The following SPNS1 variants were observed in gnomAD, a reference collection of about 807,000 sequenced individuals.
The protein encoded by SPNS1 is protein spinster homolog 1.
A neutral mutation model predicts 50.3 loss-of-function variants in SPNS1; 22 were observed. That is an observed-to-expected ratio of 0.44 (90% confidence interval 0.31 to 0.62). The LOEUF (loss-of-function observed/expected upper bound fraction) is 0.62. Among genes scored for constraint, SPNS1 ranks in the 20% least tolerant of loss-of-function variants. The probability of loss-of-function intolerance (pLI) is 0.07; values close to 1 mark genes in which losing one functional copy is unlikely to be tolerated. For missense variants in SPNS1, 576 were observed against 728.6 expected, an observed-to-expected ratio of 0.79 and a Z score of 2.41; for synonymous variants, 295 against 317.4, an observed-to-expected ratio of 0.93 and a Z score of 0.75.
chr16:28,975,084 GCCT>G lies in SPNS1; in HGVS notation c.-62_-60del. 6.9e-7 allele frequency: 1 copy of G among 1,439,976 alleles called. No individual in the cohort carries two copies. Among genetic ancestry groups the G allele is most frequent in the Non-Finnish European group, 9.1e-7 (1 of 1,101,456 alleles). The allele number at this position is 1,439,976 out of a possible 1,614,324, so 89.2% of individuals were successfully genotyped here. ...TGTTCGGTCCATCCTCCTTTCTCCA[GCCT>G]CCTCCCCTCGCAGGTGGGATCGTCG... On this transcript the variant is annotated 5_prime_UTR_variant, in exon 1 of 12. Coordinates refer to ENST00000311008, the MANE Select transcript of SPNS1 (RefSeq NM_032038.3).
In SPNS1 at chr16:28,984,132, T is replaced by C. The variant is rs533907477; in HGVS notation, c.1493-73T>C. 1.8e-5 allele frequency: 27 copies of C among 1,486,986 alleles called. No individual in the cohort carries two copies. The East Asian group carries it at 5.9e-4, about 33-fold the overall frequency. The allele number at this position is 1,486,986 out of a possible 1,614,324, so 92.1% of individuals were successfully genotyped here. A position where few individuals can be genotyped will look rare whatever the true frequency, so the allele number is the denominator to read the frequency against. On this transcript the variant is annotated intron_variant, in intron 11 of 11. Coordinates refer to ENST00000311008, the MANE Select transcript of SPNS1 (RefSeq NM_032038.3). ...TGTGGCTGCCCCATCCATTTCCCGC[T>C]GCCTGTTTGCCCTTCTCTGGCTTTG... is the stretch of plus-strand genomic sequence containing the variant.
At chr16:28,984,034 A>C in intron 11 of SPNS1, 77 bp downstream of exon 11, 1 of 1,495,612 alleles carries the variant, frequency 6.7e-7, no homozygotes, top group South Asian at 1.3e-5. Context: ...ACTCCTGTGC[A>C]CCTGGCAGCT....
At chr16:28,976,197 G>T (rs4788112) in intron 2 of SPNS1, among the ~76,000 whole-genome samples, 2 of 151,936 alleles carry the variant, frequency 1.3e-5, no homozygotes, top group Non-Finnish European at 2.9e-5. Flanking sequence ...ACTTGAACCC[G>T]GGAGGCAGAG....
intron 5 of SPNS1, chr16:28,980,122 T>A (rs1365439961): frequency 6.6e-6 from 1 of 151,380 alleles, no homozygotes. Context: ...GGTCAGGAGT[T>A]CTAGGCCAGC....
Position 28,983,389 on chromosome 16 carries a change from T to A in SPNS1, c.1320+99T>A. ...AGTGAAGTGTCTGTGTCCTGCGTGC[T>A]GGGCACTTCTCACCTTCCATTGTCA... On this transcript the variant is annotated intron_variant, in intron 10 of 11. Transcript: ENST00000311008. The surrounding 1 kb of genome is among the most constrained non-coding windows in gnomAD (Gnocchi z 5.4). 1 of 930,602 alleles carries A rather than the reference T, an allele frequency of 1.1e-6. No individual in the cohort carries two copies. Among genetic ancestry groups the A allele is most frequent in the Non-Finnish European group, 1.7e-6 (1 of 577,514 alleles). The allele number at this position is 930,602 out of a possible 1,614,324, so 57.6% of individuals were successfully genotyped here. A position where few individuals can be genotyped will look rare whatever the true frequency, so the allele number is the denominator to read the frequency against.
rs756695444 is a variant in SPNS1 at position 28,984,522 on chromosome 16, C to T, written c.*223C>T. ...CCCAAGGGCTCGGTGCTATTTGTAA[C>T]GGAATAAAATTTGTAGCCAGACCCC... On this transcript the variant is annotated 3_prime_UTR_variant, in exon 12 of 12. Coordinates refer to ENST00000311008, the MANE Select transcript of SPNS1 (RefSeq NM_032038.3). 7 of 644,946 alleles carry T rather than the reference C, an allele frequency of 1.1e-5. No individual in the cohort carries two copies. The highest frequency in any genetic ancestry group is 3.6e-5 in the African/African-American group (2 of 55,078). The allele number at this position is 644,946 out of a possible 1,614,324, so 40.0% of individuals were successfully genotyped here. A position where few individuals can be genotyped will look rare whatever the true frequency, so the allele number is the denominator to read the frequency against.
chr16:28,982,522 C>T lies in SPNS1; in HGVS notation c.1132C>T (p.Arg378Cys), dbSNP rs376689849. 2.1e-4 allele frequency: 334 copies of T among 1,610,870 alleles called. 3 individuals carry two copies. Among genetic ancestry groups the T allele is most frequent in the South Asian group, 9.9e-4 (90 of 90,848 alleles). ...CCTCTTCCTGTCCCTTGCCTGCGCCCGTGGTAGCATCGTGGCCACTTATGT... is the reference window on the plus strand; with the variant it reads ...CCTCTTCCTGTCCCTTGCCTGCGCCTGTGGTAGCATCGTGGCCACTTATGT... ...PFLFLSLACA[R>C]GSIVATYIFI... Residue 378 changes from arginine (R) to cysteine (C), a missense_variant, in exon 8 of 12, where the codon CGT becomes TGT. Transcript: ENST00000311008.
chr16:28,979,325 T>TG lies in SPNS1; in HGVS notation c.596+24dup. The TG allele has an allele frequency of 6.2e-7, 1 of 1,614,056 alleles. No homozygotes were observed. Among genetic ancestry groups the TG allele is most frequent in the Middle Eastern group, 1.6e-4 (1 of 6,062 alleles). On this transcript the variant is annotated intron_variant, in intron 4 of 11. Transcript: ENST00000311008. ...TGGGCAGGTGAGTGGGCCTGGGGCC[T>TG]GGGGGAAGGCAGAAGGGCCTGGTGT... is the stretch of plus-strand genomic sequence containing the variant.
At position 28,974,841 on chromosome 16, in the gene SPNS1, A is replaced by G. The variant is rs1158872799; in HGVS notation, c.-311A>G. On this transcript the variant is annotated 5_prime_UTR_variant, in exon 1 of 12. Coordinates refer to ENST00000311008, the MANE Select transcript of SPNS1 (RefSeq NM_032038.3). Reference sequence around the variant, plus strand: ...GCAGCGCCCGGGCTGAGCGACAGCAAGTGCAGCGGGCTCCTACCCCGGGTG... The same window carrying G: ...GCAGCGCCCGGGCTGAGCGACAGCAGGTGCAGCGGGCTCCTACCCCGGGTG... The G allele has an allele frequency of 2.0e-6, 3 of 1,535,620 alleles. No individual in the cohort carries two copies. Among genetic ancestry groups the G allele is most frequent in the Admixed American group, 3.9e-5 (2 of 50,974 alleles).
intron 11 of SPNS1, 83 bp downstream of exon 11, chr16:28,984,040 C>A (rs564540512): frequency 2.2e-5 from 33 of 1,482,996 alleles, no homozygotes; most frequent in South Asian, 2.0e-4. Context: ...GTGCACCTGG[C>A]AGCTCAGTCC....
Position 28,981,274 on chromosome 16 carries a change from A to G in SPNS1, c.664-196A>G, listed in dbSNP as rs1965541836. 6.6e-6 allele frequency among the ~76,000 whole-genome samples: 1 copy of G among 152,250 alleles called. No individual in the cohort carries two copies. ...AAGAAAATTACCAAAGAGGAGACAA[A>G]GCTAGGCTTGCAAAAATAGGGTGGC... is the stretch of plus-strand genomic sequence containing the variant. On this transcript the variant is annotated intron_variant, in intron 5 of 11. Coordinates refer to ENST00000311008, the MANE Select transcript of SPNS1 (RefSeq NM_032038.3). The surrounding 1 kb of genome is among the most constrained non-coding windows in gnomAD (Gnocchi z 4.2).
intron 5 of SPNS1, chr16:28,980,679 G>A (rs4788113): frequency 0.27 from 41,363 of 151,738 alleles, 6,763 homozygotes; most frequent in Middle Eastern, 0.37. Flanking sequence ...GTGAAATCCC[G>A]TCTCTACTAA....
In SPNS1 at chr16:28,975,348, G is replaced by C; in HGVS notation, c.197G>C (p.Cys66Ser). 1 of 1,594,104 alleles carries C rather than the reference G, an allele frequency of 6.3e-7. No individual in the cohort carries two copies. The highest frequency in any genetic ancestry group is 8.6e-7 in the Non-Finnish European group (1 of 1,167,260). The change falls in exon 1 of 12, where the codon TGC becomes TCC. Residue 66 changes from cysteine (C) to serine (S), a missense_variant. By Grantham distance (112) the Cys-to-Ser change is moderately radical. This residue lies in a region of SPNS1 where 144 missense variants were observed against 181.2 expected (regional missense o/e 0.79). Coordinates refer to ENST00000311008, the MANE Select transcript of SPNS1 (RefSeq NM_032038.3). ...GRSALIVAVLCYINLLNYMDR... is the reference protein window; with the variant it reads ...GRSALIVAVLSYINLLNYMDR... ...TCGGCTCTCATAGTGGCGGTGCTGT[G>C]CTACATCAATCTCCTGAACTACATG...
rs1275327008 is a variant in SPNS1, at chr16:28,978,051, C to A, written c.444+7C>A. The stretch of plus-strand genomic sequence containing the variant: ...ATCCTTCATCCCCGGAGAGGTGAGG[C>A]CCCAAGCTGGCTCCTGTTTCTGCCC... On this transcript the variant is annotated splice_region_variant and intron_variant, in intron 3 of 11. Coordinates refer to ENST00000311008, the MANE Select transcript of SPNS1 (RefSeq NM_032038.3). The A allele has an allele frequency of 6.2e-7, 1 of 1,611,670 alleles. No individual in the cohort carries two copies. The highest frequency in any genetic ancestry group is 1.7e-4 in the Middle Eastern group (1 of 6,036).
Position 28,984,214 on chromosome 16 carries a change from A to G in SPNS1, c.1502A>G (p.His501Arg). 6.3e-7 allele frequency: 1 copy of G among 1,580,918 alleles called. No individual in the cohort carries two copies. Among genetic ancestry groups the G allele is most frequent in the Non-Finnish European group, 8.6e-7 (1 of 1,161,730 alleles). ...GACCCTCCCCCCTCAGGCCTGCTGC[A>G]CGAAGCAGGGTCCACAGACGACCGG... ...RAQLHVQGLL[H>R]EAGSTDDRIV... Residue 501 changes from histidine (H) to arginine (R), a missense_variant, in exon 12 of 12, where the codon CAC becomes CGC. Coordinates refer to ENST00000311008, the MANE Select transcript of SPNS1 (RefSeq NM_032038.3).
Position 28,983,336 on chromosome 16 carries a change from C to A in SPNS1, c.1320+46C>A. 1 of 1,508,854 alleles carries A rather than the reference C, an allele frequency of 6.6e-7. No individual in the cohort carries two copies. Among genetic ancestry groups the A allele is most frequent in the Non-Finnish European group, 9.2e-7 (1 of 1,084,340 alleles). The allele number at this position is 1,508,854 out of a possible 1,614,324, so 93.5% of individuals were successfully genotyped here. A position where few individuals can be genotyped will look rare whatever the true frequency, so the allele number is the denominator to read the frequency against. ...GGCATGGGGTGGCTGGTGTCCTGAG[C>A]CTGGGCTGGATCAGAAGGCCTGGCC... On this transcript the variant is annotated intron_variant, in intron 10 of 11. Coordinates refer to ENST00000311008, the MANE Select transcript of SPNS1 (RefSeq NM_032038.3). The surrounding 1 kb of genome is among the most constrained non-coding windows in gnomAD (Gnocchi z 5.4).
Position 28,975,497 on chromosome 16 carries a change from C to G in SPNS1, c.247C>G (p.Leu83Val). 1 of 1,614,276 alleles carries G rather than the reference C, an allele frequency of 6.2e-7. No homozygotes were observed. Among genetic ancestry groups the G allele is most frequent in the Non-Finnish European group, 8.5e-7 (1 of 1,180,050 alleles). ...ATCCTGAATTTTCTCCTCAGGCGTC[C>G]TTCCCGACATCGAGCAGTTCTTCAA... ...YMDRFTVAGVLPDIEQFFNIG... is the reference protein window; with the variant it reads ...YMDRFTVAGVVPDIEQFFNIG... The change falls in exon 2 of 12, where the codon CTT becomes GTT. Residue 83 changes from leucine to valine, a missense_variant. Physicochemically the swap from Leu to Val is conservative, Grantham distance 32. Transcript: ENST00000311008.
rs1208843641 is a variant in SPNS1, at chr16:28,974,879, C to CA, written c.-273_-272insA. 12 of 1,534,380 alleles carry CA rather than the reference C, an allele frequency of 7.8e-6. No individual in the cohort carries two copies. The East Asian group carries it at 2.9e-4, about 37-fold the overall frequency. ...CCTACCCCGGGTGAGGGGTGGCCTC[C>CA]GCGTGGGATCGTGCCCTCTTCAGCC... On this transcript the variant is annotated 5_prime_UTR_variant, in exon 1 of 12. An upstream open reading frame in the 5' UTR loses its in-frame stop. Transcript: ENST00000311008.
At chr16:28,977,761 T>G (rs1965394913) in intron 2 of SPNS1, 147 bp from the exon 3 acceptor site, 2 of 971,908 alleles carry the variant, frequency 2.1e-6, no homozygotes, top group South Asian at 3.3e-5. Context: ...GACAGGAAGC[T>G]CTGATGGGCT....
Sources: gnomAD v4.1 joint callset for allele counts (sites outside exome capture counted in the v4.1 genomes callset) on GRCh38, gnomAD v4.1.1 for gene constraint, gnomAD v4.1.1 regional missense constraint, Gnocchi (gnomAD v3.1) non-coding constraint, MANE v1.5 for transcripts, NCBI Gene and HGNC (gene_info 2026-07-23, HGNC 2026-07-21) for gene names.